EPHB1: variants seen among roughly 807,000 people sequenced by gnomAD.
EPHB1 encodes ephrin type-B receptor 1.
Under a neutral mutation model 94.4 loss-of-function variants are expected in EPHB1, and 30 were observed. The ratio of observed to expected loss-of-function variants is 0.32; its 90% CI spans 0.24 to 0.43. EPHB1 has a LOEUF of 0.43. EPHB1 is among the 20% of genes least tolerant of loss of function. The pLI, the probability that EPHB1 is intolerant of heterozygous loss-of-function variation, is 1.00. For synonymous variants in EPHB1, 522 were observed against 489.1 expected, an observed-to-expected ratio of 1.07 and a Z score of -0.89; for missense variants, 1,055 against 1,308.3, an observed-to-expected ratio of 0.81 and a Z score of 2.99.
intron 1 of EPHB1, among the ~76,000 whole-genome samples, chr3:134,831,519 C>T (rs931789184): frequency 1.3e-5 from 2 of 152,232 alleles, no homozygotes; most frequent in Non-Finnish European, 2.9e-5. Flanking sequence ...AAGTTTGCTT[C>T]TGCCTATCCC....
chr3:134,917,145 C>T (rs897885085), intron 1 of EPHB1, among the ~76,000 whole-genome samples: 19 of 152,322 alleles, frequency 1.2e-4, no homozygotes, highest in South Asian at 2.1e-4. Flanking sequence ...GAAAGTCCAT[C>T]GTAGGTCTAG....
chr3:134,982,240 G>A (rs1934428097), intron 3 of EPHB1, among the ~76,000 whole-genome samples: 1 of 152,158 alleles, frequency 6.6e-6, no homozygotes, highest in Admixed American at 6.5e-5. Flanking sequence ...TGTACTGTGA[G>A]GGCTTAGAAG....
At chr3:134,947,492 T>C (rs1300171336) in intron 2 of EPHB1, among the ~76,000 whole-genome samples, 2 of 152,182 alleles carry the variant, frequency 1.3e-5, no homozygotes, top group African/African-American at 4.8e-5. Context: ...CAGGGAGTTA[T>C]TTTCCTTTCT....
At chr3:134,964,822 G>A (rs1247617965) in intron 3 of EPHB1, among the ~76,000 whole-genome samples, 1 of 152,090 alleles carries the variant, frequency 6.6e-6, no homozygotes, top group Non-Finnish European at 1.5e-5. Flanking sequence ...TCGAAAAGAG[G>A]GAAAAGAAAC....
chr3:135,080,551 G>A (rs1004480379), intron 3 of EPHB1, among the ~76,000 whole-genome samples: 4 of 152,214 alleles, frequency 2.6e-5, no homozygotes, highest in African/African-American at 7.2e-5. Context: ...ATAGTCTGAG[G>A]AGAGAGTGGT....
intron 11 of EPHB1, among the ~76,000 whole-genome samples, chr3:135,195,608 G>C (rs1186932047): frequency 6.8e-6 from 1 of 147,334 alleles, no homozygotes; most frequent in East Asian, 2.0e-4. Context: ...TCTCCCGATA[G>C]TTTACTGAGA....
chr3:135,260,239 G>A lies in EPHB1; in HGVS notation c.*1119G>A, dbSNP rs945438724. ...CTGCAATTCAAGAAGTGACAAGGGA[G>A]AATTCTTGCTTTACCTATGGACTGG... On this transcript the variant is annotated 3_prime_UTR_variant, in exon 16 of 16. Coordinates refer to ENST00000398015, the MANE Select transcript of EPHB1 (RefSeq NM_004441.5). 8.6e-6 allele frequency: 2 copies of A among 232,900 alleles called. No individual in the cohort carries two copies. Among genetic ancestry groups the A allele is most frequent in the African/African-American group, 4.4e-5 (2 of 45,302 alleles). The allele number at this position is 232,900 out of a possible 1,614,324, so 14.4% of individuals were successfully genotyped here. A position where few individuals can be genotyped will look rare whatever the true frequency, so the allele number is the denominator to read the frequency against.
intron 3 of EPHB1, among the ~76,000 whole-genome samples, chr3:135,010,714 C>T (rs1157866721): frequency 6.6e-6 from 1 of 152,016 alleles, no homozygotes; most frequent in Non-Finnish European, 1.5e-5. Flanking sequence ...CAGGCAAGCG[C>T]CACCACGCCT....
chr3:134,816,529 C>T (rs1211242387), intron 1 of EPHB1, among the ~76,000 whole-genome samples: 1 of 152,124 alleles, frequency 6.6e-6, no homozygotes, highest in Non-Finnish European at 1.5e-5. Context: ...GATGGTGGTA[C>T]TCACCTCACA....
intron 10 of EPHB1, 147 bp from the exon 11 acceptor site, chr3:135,192,429 T>C: frequency 2.2e-6 from 2 of 910,776 alleles, no homozygotes; most frequent in Non-Finnish European, 1.6e-6. Flanking sequence ...CAAAACAATA[T>C]AGTTACAATG....
intron 1 of EPHB1, among the ~76,000 whole-genome samples, chr3:134,890,477 A>G (rs1485988498): frequency 1.3e-5 from 2 of 151,714 alleles, no homozygotes; most frequent in Admixed American, 6.6e-5. Context: ...TCACACTAAC[A>G]CTCTTGCATG....
chr3:135,231,607 G>A (rs550877044), intron 12 of EPHB1, among the ~76,000 whole-genome samples: 6 of 152,172 alleles, frequency 3.9e-5, no homozygotes, highest in Non-Finnish European at 8.8e-5. Context: ...CTTTCCATTT[G>A]TAGTTATTCA....
chr3:135,038,112 T>TGTA (rs1936706999), intron 3 of EPHB1, among the ~76,000 whole-genome samples: 1 of 152,226 alleles, frequency 6.6e-6, no homozygotes, highest in Admixed American at 6.5e-5. Flanking sequence ...GTTAGCCATT[T>TGTA]GTAGCTCCAG....
intron 4 of EPHB1, among the ~76,000 whole-genome samples, chr3:135,116,716 T>C (rs1939732093): frequency 6.6e-6 from 1 of 152,206 alleles, no homozygotes; most frequent in South Asian, 2.1e-4. Flanking sequence ...TACACCCACC[T>C]TTCGTCAGTA....
chr3:135,189,646 C>T (rs1942409136), intron 10 of EPHB1, among the ~76,000 whole-genome samples: 1 of 152,200 alleles, frequency 6.6e-6, no homozygotes, highest in African/African-American at 2.4e-5. Context: ...TGAAGTGAGG[C>T]CCAGGCCTCT....
intron 3 of EPHB1, among the ~76,000 whole-genome samples, chr3:135,017,616 G>A (rs148485265): frequency 8.5e-5 from 13 of 152,218 alleles, no homozygotes; most frequent in African/African-American, 2.4e-4. Context: ...CCTCCCAGTC[G>A]TGGTTGGTGG....
At chr3:134,866,251 T>C (rs950029249) in intron 1 of EPHB1, among the ~76,000 whole-genome samples, 5 of 152,210 alleles carry the variant, frequency 3.3e-5, no homozygotes, top group South Asian at 2.1e-4. Flanking sequence ...GTGGAAGATA[T>C]GGTGAAAATG....
chr3:135,121,776 G>A lies in EPHB1; in HGVS notation c.962-10938G>A, dbSNP rs1024769561. Among the ~76,000 whole-genome samples, 5 of 152,058 alleles carry A rather than the reference G, an allele frequency of 3.3e-5. No homozygotes were observed. The South Asian group carries it at 1.0e-3, about 32-fold the overall frequency. ...GGAGATGTTTTTCCTGCTTCACAGGGCCTTCAGGTCAAGTGTTCTGCACAA... is the reference window on the plus strand; with the variant it reads ...GGAGATGTTTTTCCTGCTTCACAGGACCTTCAGGTCAAGTGTTCTGCACAA... On this transcript the variant is annotated intron_variant, in intron 4 of 15. Transcript: ENST00000398015.
In EPHB1 at chr3:135,004,706, A is replaced by G. The variant is rs1103062; in HGVS notation, c.805+52654A>G. Among the ~76,000 whole-genome samples, 439 of 150,760 alleles carry G rather than the reference A, an allele frequency of 2.9e-3. 3 individuals are homozygous for G. Among genetic ancestry groups the G allele is most frequent in the African/African-American group, 0.01 (414 of 40,884 alleles). ...CTTCCCTTCTCGCTTCATTTCATTC[A>G]TTTCATCTTCCATTACTGATACCCT... is the stretch of plus-strand genomic sequence containing the variant. On this transcript the variant is annotated intron_variant, in intron 3 of 15. Transcript: ENST00000398015.
Sources: gnomAD v4.1 joint callset for allele counts (sites outside exome capture counted in the v4.1 genomes callset) on GRCh38, gnomAD v4.1.1 for gene constraint, MANE v1.5 for transcripts, NCBI Gene and HGNC (gene_info 2026-07-23, HGNC 2026-07-21) for gene names.